The following MBTPS1 variants were observed in gnomAD, a reference collection of about 807,000 sequenced individuals.
MBTPS1 encodes membrane-bound transcription factor site-1 protease.
In MBTPS1, 94 loss-of-function variants were observed where a neutral mutation model predicts 127.8. That is an observed-to-expected ratio of 0.74 (90% CI 0.62 to 0.87). The LOEUF is 0.87. Among genes scored for constraint, MBTPS1 ranks in the 40% least tolerant of loss-of-function variants. The pLI is 0.00. For missense variants in MBTPS1, 1,636 were observed against 1,353.2 expected, an observed-to-expected ratio of 1.21 and a Z score of -3.28; for synonymous variants, 632 against 509.4, an observed-to-expected ratio of 1.24 and a Z score of -3.24.
At chr16:84,099,499 T>C (rs1014166361) in intron 2 of MBTPS1, among the ~76,000 whole-genome samples, 189 bp from the exon 3 acceptor site, 8 of 152,144 alleles carry the variant, frequency 5.3e-5, no homozygotes, top group Non-Finnish European at 1.0e-4. Flanking sequence ...AAATGATCTA[T>C]ATGGGGCTGG....
intron 7 of MBTPS1, 126 bp downstream of exon 7, chr16:84,091,606 C>A (rs2086107921): frequency 1.5e-6 from 1 of 680,120 alleles, no homozygotes; most frequent in Admixed American, 2.2e-5. Context: ...CGTCATTAGC[C>A]ATCTGTTCTC....
chr16:84,111,646 G>T (rs1047797578), intron 1 of MBTPS1, among the ~76,000 whole-genome samples: 3 of 152,248 alleles, frequency 2.0e-5, no homozygotes, highest in African/African-American at 2.4e-5. Flanking sequence ...AAAACAAAAG[G>T]AAACTGATTC....
intron 3 of MBTPS1, among the ~76,000 whole-genome samples, chr16:84,096,267 A>T (rs1384621908): frequency 6.6e-6 from 1 of 152,210 alleles, no homozygotes; most frequent in Admixed American, 6.5e-5. Context: ...AACAGGACTT[A>T]AAACAACTGT....
At position 84,081,693 on chromosome 16, in the gene MBTPS1, C is replaced by T. The variant is rs188342393; in HGVS notation, c.1448+54G>A. 413 of 1,277,548 alleles carry T rather than the reference C, an allele frequency of 3.2e-4. No homozygotes were observed. The African/African-American group carries it at 4.8e-3, about 15-fold the overall frequency. 79.1% of individuals were successfully genotyped at this position (1,277,548 alleles called of 1,614,324 possible). A position where few individuals can be genotyped will look rare whatever the true frequency, so the allele number is the denominator to read the frequency against. On this transcript the variant is annotated intron_variant, in intron 11 of 22. Coordinates refer to ENST00000343411, the MANE Select transcript of MBTPS1 (RefSeq NM_003791.4). ...TTGTATTTTGTGCAGAGGGAAAATT[C>T]GCCCAGAGCCCAGTGAAGGAGAGAA...
intron 11 of MBTPS1, among the ~76,000 whole-genome samples, chr16:84,078,318 C>T (rs979157212): frequency 1.4e-5 from 2 of 145,520 alleles, no homozygotes; most frequent in African/African-American, 2.6e-5. Context: ...CAGAGCTACC[C>T]GATGCTCTCA....
chr16:84,058,598 G>A (rs1276419375), intron 21 of MBTPS1, among the ~76,000 whole-genome samples: 1 of 152,178 alleles, frequency 6.6e-6, no homozygotes, highest in East Asian at 1.9e-4. Flanking sequence ...TTGGGCCAGG[G>A]ACGTCACAGA....
chr16:84,093,169 G>T lies in MBTPS1; in HGVS notation c.846+19C>A. 1 of 1,477,330 alleles carries T rather than the reference G, an allele frequency of 6.8e-7. No homozygotes were observed. Among genetic ancestry groups the T allele is most frequent in the Non-Finnish European group, 9.5e-7 (1 of 1,055,090 alleles). 91.5% of individuals were successfully genotyped at this position (1,477,330 alleles called of 1,614,324 possible). A position where few individuals can be genotyped will look rare whatever the true frequency, so the allele number is the denominator to read the frequency against. ...TCAGTATGAATTCCTCAAGTTTCAG[G>T]AGTCCTCAAAACACCTACCTGATTA... On this transcript the variant is annotated intron_variant, in intron 6 of 22. Transcript: ENST00000343411.
chr16:84,116,289 C>A (rs1329127732), intron 1 of MBTPS1, among the ~76,000 whole-genome samples: 1 of 152,208 alleles, frequency 6.6e-6, no homozygotes, highest in Non-Finnish European at 1.5e-5. Context: ...GTTTAAAAGG[C>A]AATCTGGTTC....
chr16:84,084,353 G>C (rs911578681), intron 10 of MBTPS1, among the ~76,000 whole-genome samples: 1 of 152,206 alleles, frequency 6.6e-6, no homozygotes, highest in Non-Finnish European at 1.5e-5. Flanking sequence ...AGACAAAGCA[G>C]AGTGGTGACT....
chr16:84,079,616 G>A (rs1272143743), intron 11 of MBTPS1, among the ~76,000 whole-genome samples: 1 of 152,190 alleles, frequency 6.6e-6, no homozygotes, highest in African/African-American at 2.4e-5. Flanking sequence ...CTACAACTAA[G>A]CAAATAAGCC....
chr16:84,093,355 G>A (rs750335607), intron 5 of MBTPS1, 58 bp from the exon 6 acceptor site: 5 of 1,161,256 alleles, frequency 4.3e-6, no homozygotes, highest in East Asian at 2.3e-5. Context: ...GTGCCAGGAC[G>A]CAACATTCCA....
rs764346166 is a variant in MBTPS1 at position 84,101,754 on chromosome 16, C to G, written c.30G>C (p.Leu10=). 6.2e-7 allele frequency: 1 copy of G among 1,613,748 alleles called. No individual in the cohort carries two copies. Among genetic ancestry groups the G allele is most frequent in the Admixed American group, 1.7e-5 (1 of 59,964 alleles). ...TCTTCCCACAGAGCAAAACCACGAG[C>G]AGAAGCAGCCAGATGTTGACAAGCT... MKLVNIWLL[L]LVVLLCGKKH... The change falls in exon 2 of 23, where the codon CTG becomes CTC. Residue 10 remains leucine, a synonymous_variant. Transcript: ENST00000343411.
chr16:84,059,576 C>A, intron 20 of MBTPS1, 148 bp from the exon 21 acceptor site: 1 of 653,818 alleles, frequency 1.5e-6, no homozygotes, highest in Non-Finnish European at 2.5e-6. Context: ...CTCCATGAGC[C>A]GCAGGAGCCA....
intron 1 of MBTPS1, among the ~76,000 whole-genome samples, chr16:84,105,857 C>G (rs571945560): frequency 4.6e-5 from 7 of 152,250 alleles, no homozygotes; most frequent in African/African-American, 1.7e-4. Flanking sequence ...AGGCACTGTT[C>G]TAGGAGTAGG....
chr16:84,090,999 C>CAAAA (rs11325729), intron 7 of MBTPS1, 57 bp from the exon 8 acceptor site: 7 of 768,192 alleles, frequency 9.1e-6, no homozygotes, highest in South Asian at 5.7e-5. Flanking sequence ...ATATAACTGT[C>CAAAA]AAAAAAAAAA....
In MBTPS1 at chr16:84,101,544, G is replaced by A. The variant is rs573295437; in HGVS notation, c.163+77C>T. On this transcript the variant is annotated intron_variant, in intron 2 of 22. Coordinates refer to ENST00000343411, the MANE Select transcript of MBTPS1 (RefSeq NM_003791.4). ...GTAGAAAAGAGGAACATGTTATTCA[G>A]CAATAGCTAATTTTATATTAAGTAA... The A allele has an allele frequency of 5.7e-6, 7 of 1,236,854 alleles. 1 individual carries two copies. The highest frequency in any genetic ancestry group is 1.5e-5 in the African/African-American group (1 of 64,916). 76.6% of individuals were successfully genotyped at this position (1,236,854 alleles called of 1,614,324 possible). A position where few individuals can be genotyped will look rare whatever the true frequency, so the allele number is the denominator to read the frequency against.
At position 84,091,853 on chromosome 16, in the gene MBTPS1, T is replaced by G. The variant is rs369801864; in HGVS notation, c.847-5A>C. The G allele has an allele frequency of 6.8e-6, 10 of 1,477,204 alleles. No homozygotes were observed. The South Asian group carries it at 6.8e-5, about 10-fold the overall frequency. 91.5% of individuals were successfully genotyped at this position (1,477,204 alleles called of 1,614,324 possible). A position where few individuals can be genotyped will look rare whatever the true frequency, so the allele number is the denominator to read the frequency against. Reference sequence around the variant, plus strand: ...AAACCAAGATGTGTAAGATACCTAGTTAAATATTATAACAGTCTGCTTAGT... The same window carrying G: ...AAACCAAGATGTGTAAGATACCTAGGTAAATATTATAACAGTCTGCTTAGT... On this transcript the variant is annotated splice_region_variant and splice_polypyrimidine_tract_variant and intron_variant, in intron 6 of 22. Coordinates refer to ENST00000343411, the MANE Select transcript of MBTPS1 (RefSeq NM_003791.4).
chr16:84,085,247 C>T, intron 9 of MBTPS1, 113 bp from the exon 10 acceptor site: 1 of 1,066,114 alleles, frequency 9.4e-7, no homozygotes, highest in Non-Finnish European at 1.4e-6. Context: ...AACTGTATAA[C>T]CTTAGGAAGG....
chr16:84,116,494 C>T (rs2151178533), intron 1 of MBTPS1, among the ~76,000 whole-genome samples: 1 of 152,366 alleles, frequency 6.6e-6, no homozygotes, highest in East Asian at 1.9e-4. Context: ...ATGCTCATTT[C>T]ACGTAAAGAA....
Sources: allele counts gnomAD v4.1 joint callset (sites outside exome capture counted in the v4.1 genomes callset), GRCh38; gene constraint gnomAD v4.1.1; transcripts MANE v1.5; gene names NCBI Gene and HGNC (gene_info 2026-07-23, HGNC 2026-07-21).